The following CSRNP3 variants were observed in gnomAD, a reference collection of about 807,000 sequenced individuals.
CSRNP3 encodes cysteine/serine-rich nuclear protein 3.
In CSRNP3, 12 loss-of-function variants were observed where a neutral mutation model predicts 48.0. That is an observed-to-expected ratio of 0.25 (90% CI 0.16 to 0.41). The LOEUF is 0.41. CSRNP3 is among the 10% of genes least tolerant of loss of function. The pLI is 1.00. For missense variants in CSRNP3, 580 were observed against 724.4 expected (o/e 0.80, Z 2.29); for synonymous variants, 263 against 269.7 (o/e 0.98, Z 0.24).
intron 3 of CSRNP3, among the ~76,000 whole-genome samples, chr2:165,520,341 C>G (rs542885597): frequency 8.6e-4 from 131 of 152,198 alleles, no homozygotes; most frequent in Non-Finnish European, 1.4e-3. Flanking sequence ...TGCAATCCAT[C>G]TATAGTTTAG....
intron 2 of CSRNP3, among the ~76,000 whole-genome samples, chr2:165,515,987 G>T (rs1684577724): frequency 6.6e-6 from 1 of 151,774 alleles, no homozygotes; most frequent in African/African-American, 2.4e-5. Flanking sequence ...TACATTTTTA[G>T]TAGAGATGAG....
At chr2:165,533,956 A>G (rs752926512) in intron 3 of CSRNP3, among the ~76,000 whole-genome samples, 6 of 152,080 alleles carry the variant, frequency 3.9e-5, no homozygotes, top group Non-Finnish European at 7.4e-5. Context: ...GAAGATTTGC[A>G]TTGATAAAAA....
chr2:165,645,872 GGTTTTTTTTGTTTTGTTTTGTTTTGT>G (rs1686802217), intron 4 of CSRNP3, among the ~76,000 whole-genome samples: 1 of 151,952 alleles, frequency 6.6e-6, no homozygotes, highest in Admixed American at 6.6e-5. Flanking sequence ...CAGCCTTGTA[GGTTTTTTTTGTTTTGTTTTGTTTTGT>G]GTTTTTTTTG....
At chr2:165,496,299 G>A (rs1487916831) in intron 2 of CSRNP3, among the ~76,000 whole-genome samples, 15 of 151,976 alleles carry the variant, frequency 9.9e-5, no homozygotes. Flanking sequence ...TGGCCAGAGA[G>A]TAGAATTTCA....
At chr2:165,634,354 A>C (rs1686592583) in intron 4 of CSRNP3, among the ~76,000 whole-genome samples, 1 of 152,226 alleles carries the variant, frequency 6.6e-6, no homozygotes, top group South Asian at 2.1e-4. Flanking sequence ...AAAGAAAAAA[A>C]ACACACACAG....
At chr2:165,510,726 A>AT (rs1420846091) in intron 2 of CSRNP3, among the ~76,000 whole-genome samples, 1 of 152,100 alleles carries the variant, frequency 6.6e-6, no homozygotes, top group East Asian at 1.9e-4. Context: ...TATTATTGTT[A>AT]TTTTTTGGAC....
intron 4 of CSRNP3, among the ~76,000 whole-genome samples, chr2:165,607,175 C>T (rs1686043662): frequency 6.6e-6 from 1 of 152,118 alleles, no homozygotes; most frequent in African/African-American, 2.4e-5. Flanking sequence ...TCAGTAACTC[C>T]CTCCTCTTTT....
At chr2:165,516,159 C>T (rs1021008535) in intron 2 of CSRNP3, among the ~76,000 whole-genome samples, 6 of 152,042 alleles carry the variant, frequency 3.9e-5, no homozygotes, top group Non-Finnish European at 7.4e-5. Context: ...AAACAGAGAT[C>T]TGTTTGTATG....
intron 4 of CSRNP3, among the ~76,000 whole-genome samples, chr2:165,614,521 G>T (rs562377721): frequency 2.0e-5 from 3 of 152,230 alleles, no homozygotes; most frequent in Admixed American, 6.5e-5. Flanking sequence ...TAGAGTAAAG[G>T]CTTTCAGCTT....
At chr2:165,553,615 T>C (rs764112420) in intron 3 of CSRNP3, among the ~76,000 whole-genome samples, 1 of 152,178 alleles carries the variant, frequency 6.6e-6, no homozygotes, top group Non-Finnish European at 1.5e-5. Flanking sequence ...TCCGCCCTCA[T>C]CTTCATGATC....
chr2:165,553,956 A>G (rs1293284039), intron 3 of CSRNP3, among the ~76,000 whole-genome samples: 2 of 151,004 alleles, frequency 1.3e-5, no homozygotes, highest in Non-Finnish European at 1.5e-5. Flanking sequence ...GCTTAGCAAA[A>G]CTCCTTCAAA....
At chr2:165,471,729 G>C (rs1183094588) in intron 1 of CSRNP3, among the ~76,000 whole-genome samples, 3 of 151,940 alleles carry the variant, frequency 2.0e-5, no homozygotes, top group African/African-American at 7.2e-5. Flanking sequence ...TTCTCAATCA[G>C]CATTTCCTAT....
intron 5 of CSRNP3, among the ~76,000 whole-genome samples, chr2:165,666,832 ACG>A (rs1687223759): frequency 7.7e-6 from 1 of 130,534 alleles, no homozygotes; most frequent in Non-Finnish European, 1.6e-5. Context: ...GAAAGGAAGG[ACG>A]GAAGGAAGGA....
At chr2:165,665,492 G>A (rs1687163246) in intron 5 of CSRNP3, among the ~76,000 whole-genome samples, 1 of 152,150 alleles carries the variant, frequency 6.6e-6, no homozygotes, top group Non-Finnish European at 1.5e-5. Flanking sequence ...CGGGCAGGGT[G>A]GCTCGCACCT....
At position 165,667,030 on chromosome 2, in the gene CSRNP3, G is replaced by T. The variant is rs1558968255; in HGVS notation, c.408+9010G>T. On this transcript the variant is annotated intron_variant, in intron 5 of 6. Transcript: ENST00000651982. ...GGAAGGAAGGAAGGAAAGAGAGAGA[G>T]GAAGAAAGAAAGAGAGAGAGAAAGG... Among the ~76,000 whole-genome samples the T allele has an allele frequency of 2.0e-3, 58 of 28,892 alleles. 1 individual carries two copies. Among genetic ancestry groups the T allele is most frequent in the Admixed American group, 5.2e-3 (11 of 2,128 alleles). The allele number at this position is 28,892 out of a possible 152,430, so 19.0% of individuals were successfully genotyped here.
At chr2:165,664,925 G>T (rs934432134) in intron 5 of CSRNP3, among the ~76,000 whole-genome samples, 5 of 152,122 alleles carry the variant, frequency 3.3e-5, no homozygotes, top group Admixed American at 6.5e-5. Context: ...TCTGCATTAT[G>T]ATATAAACCA....
At chr2:165,489,884 G>A (rs1222100144) in intron 1 of CSRNP3, among the ~76,000 whole-genome samples, 2 of 141,888 alleles carry the variant, frequency 1.4e-5, no homozygotes, top group Non-Finnish European at 3.1e-5. Context: ...TTGAAAACTG[G>A]CACAAGACAG....
chr2:165,499,283 T>C (rs1684326265), intron 2 of CSRNP3, among the ~76,000 whole-genome samples: 1 of 152,194 alleles, frequency 6.6e-6, no homozygotes, highest in Admixed American at 6.6e-5. Context: ...GCAAATGTCC[T>C]TGTGTTTCTC....
chr2:165,689,226 C>T lies in CSRNP3; in HGVS notation c.*9473C>T, dbSNP rs1054699487. 5.9e-5 allele frequency: 9 copies of T among 151,926 alleles called. No individual in the cohort carries two copies. Among genetic ancestry groups the T allele is most frequent in the South Asian group, 2.1e-4 (1 of 4,812 alleles). 9.4% of individuals were successfully genotyped at this position (151,926 alleles called of 1,614,324 possible). On this transcript the variant is annotated 3_prime_UTR_variant, in exon 7 of 7. Transcript: ENST00000651982. ...ATTTATTATGAATGACATGGAAATT[C>T]GTGTATTTATTGTGGCTTTTTATTG...
Sources: allele counts gnomAD v4.1 joint callset (sites outside exome capture counted in the v4.1 genomes callset), GRCh38; gene constraint gnomAD v4.1.1; transcripts MANE v1.5; gene names NCBI Gene and HGNC (gene_info 2026-07-23, HGNC 2026-07-21).